Variants in PAMR1 observed in about 807,000 individuals in gnomAD.
The protein encoded by PAMR1 is peptidase domain containing associated with muscle regeneration 1.
A neutral mutation model predicts 81.8 loss-of-function variants in PAMR1; 88 were observed. That is an observed-to-expected ratio of 1.08 (90% CI 0.91 to 1.28). PAMR1 has a LOEUF of 1.28. Among genes scored for constraint, PAMR1 ranks in the 50% most tolerant of loss-of-function variants. The probability of loss-of-function intolerance (pLI) is 0.00; values close to 1 mark genes in which losing one functional copy is unlikely to be tolerated. For missense variants in PAMR1, 935 were observed against 919.7 expected (o/e 1.02, Z -0.21); for synonymous variants, 336 against 345.3 (o/e 0.97, Z 0.30).
intron 1 of PAMR1, among the ~76,000 whole-genome samples, chr11:35,500,120 ATTT>A (rs1850803618): frequency 1.3e-5 from 2 of 152,186 alleles, no homozygotes; most frequent in Non-Finnish European, 2.9e-5. Context: ...CAACCCTTTG[ATTT>A]TAGTCTTGTA....
chr11:35,458,293 T>G (rs1208201043), intron 6 of PAMR1, among the ~76,000 whole-genome samples: 1 of 152,232 alleles, frequency 6.6e-6, no homozygotes, highest in Admixed American at 6.5e-5. Flanking sequence ...TTTCTTTTAA[T>G]CTCTATCCCA....
intron 1 of PAMR1, among the ~76,000 whole-genome samples, chr11:35,516,401 C>T (rs1477779767): frequency 3.3e-5 from 5 of 152,252 alleles, no homozygotes; most frequent in Non-Finnish European, 5.9e-5. Flanking sequence ...AAGATGAATT[C>T]GGTATATATT....
chr11:35,441,299 G>A (rs796870782), intron 7 of PAMR1, among the ~76,000 whole-genome samples, 182 bp downstream of exon 7: 5 of 147,830 alleles, frequency 3.4e-5, no homozygotes, highest in African/African-American at 1.3e-4. Flanking sequence ...GTCCTCTTGA[G>A]GTCAAAAAAA....
At chr11:35,463,727 G>A (rs1424404357) in intron 6 of PAMR1, among the ~76,000 whole-genome samples, 1 of 152,192 alleles carries the variant, frequency 6.6e-6, no homozygotes, top group Non-Finnish European at 1.5e-5. Flanking sequence ...GGCACCGGGG[G>A]AAGTTTTTCC....
At chr11:35,449,568 C>T (rs1355780976) in intron 6 of PAMR1, among the ~76,000 whole-genome samples, 1 of 152,178 alleles carries the variant, frequency 6.6e-6, no homozygotes, top group South Asian at 2.1e-4. Context: ...CTTTCTGGAC[C>T]AGCAGGGGAA....
rs757325760 is a variant in PAMR1 at position 35,439,695 on chromosome 11, T to C, written c.1034-2A>G. The C allele has an allele frequency of 6.2e-7, 1 of 1,612,646 alleles. No individual in the cohort carries two copies. The highest frequency in any genetic ancestry group is 1.1e-5 in the South Asian group (1 of 91,058). ...CTGAAATCTTTGGTTCTCGGCAGGC[T>C]AGAAATAAAAAAGACAATGCTGCAT... is the stretch of plus-strand genomic sequence containing the variant. On this transcript the variant is annotated splice_acceptor_variant, in intron 7 of 10. Coordinates refer to ENST00000619888, the MANE Select transcript of PAMR1 (RefSeq NM_001001991.3). LOFTEE classifies it high-confidence loss of function.
In PAMR1 at chr11:35,494,290, C is replaced by A; in HGVS notation, c.74-18G>T. On this transcript the variant is annotated intron_variant, in intron 1 of 10. Transcript: ENST00000619888. The stretch of plus-strand genomic sequence containing the variant: ...TGTGTACTCTGAAATGGAAAACCAG[C>A]AGGTGAGGCTAGGTCCTGGCAGGGA... 2 of 1,608,990 alleles carry A rather than the reference C, an allele frequency of 1.2e-6. No homozygotes were observed.
At chr11:35,482,083 T>A (rs150487973) in intron 3 of PAMR1, among the ~76,000 whole-genome samples, 1 of 152,232 alleles carries the variant, frequency 6.6e-6, no homozygotes, top group Non-Finnish European at 1.5e-5. Context: ...CAATTGCTTT[T>A]GGCATTTTCG....
intron 2 of PAMR1, among the ~76,000 whole-genome samples, chr11:35,493,771 C>CTA (rs1424747831): frequency 1.3e-5 from 2 of 152,222 alleles, no homozygotes; most frequent in African/African-American, 4.8e-5. Flanking sequence ...TCCCCCCAGG[C>CTA]TATAAGCTCT....
At chr11:35,499,337 A>G (rs553746903) in intron 1 of PAMR1, among the ~76,000 whole-genome samples, 2 of 152,208 alleles carry the variant, frequency 1.3e-5, no homozygotes, top group African/African-American at 2.4e-5. Context: ...TGAACAGCGA[A>G]TATGCCCATG....
chr11:35,470,831 A>G lies in PAMR1; in HGVS notation c.495-13T>C. The G allele has an allele frequency of 6.3e-7, 1 of 1,594,930 alleles. No individual in the cohort carries two copies. The highest frequency in any genetic ancestry group is 1.7e-5 in the Admixed American group (1 of 59,970). On this transcript the variant is annotated splice_polypyrimidine_tract_variant and intron_variant, in intron 4 of 10. Coordinates refer to ENST00000619888, the MANE Select transcript of PAMR1 (RefSeq NM_001001991.3). ...CAACATGACAAATCTGTGGGTGGAC[A>G]GGGTGACGGAGGGAAGCAGATGGGC...
chr11:35,522,346 T>G (rs749542710), intron 1 of PAMR1, among the ~76,000 whole-genome samples: 1 of 152,188 alleles, frequency 6.6e-6, no homozygotes, highest in African/African-American at 2.4e-5. Context: ...CATCAAATAA[T>G]AACTCCCATT....
upstream of PAMR1, among the ~76,000 whole-genome samples, chr11:35,526,524 C>T (rs141977685): frequency 1.2e-4 from 18 of 152,286 alleles, no homozygotes; most frequent in East Asian, 3.5e-3. Flanking sequence ...GTGTCATGTA[C>T]CTTACATGTA....
intron 6 of PAMR1, among the ~76,000 whole-genome samples, chr11:35,454,296 G>A (rs1856479462): frequency 6.6e-6 from 1 of 152,202 alleles, no homozygotes; most frequent in Non-Finnish European, 1.5e-5. Flanking sequence ...CCTCATATGA[G>A]CTGAAAAATA....
chr11:35,433,696 A>T (rs1855960253), intron 10 of PAMR1, among the ~76,000 whole-genome samples: 1 of 152,188 alleles, frequency 6.6e-6, no homozygotes, highest in South Asian at 2.1e-4. Flanking sequence ...GGGCTTAACA[A>T]TAGATGGACA....
chr11:35,498,094 C>T lies in PAMR1; in HGVS notation c.74-3822G>A, dbSNP rs562042894. 1.9e-4 allele frequency among the ~76,000 whole-genome samples: 29 copies of T among 152,276 alleles called. No individual in the cohort carries two copies. In the South Asian group the frequency reaches 5.4e-3, roughly 28 times the overall value. On this transcript the variant is annotated intron_variant, in intron 1 of 10. Coordinates refer to ENST00000619888, the MANE Select transcript of PAMR1 (RefSeq NM_001001991.3). ...ATGCTCCTACCTGTGCCAAGTTTTC[C>T]TAGTGGAATGTGTGTTATTAATAAT...
At chr11:35,518,568 G>T (rs569923334) in intron 1 of PAMR1, among the ~76,000 whole-genome samples, 6 of 142,180 alleles carry the variant, frequency 4.2e-5, no homozygotes, top group African/African-American at 1.5e-4. Context: ...AGGCTCTGTG[G>T]TCAAACAACT....
chr11:35,521,303 G>A (rs1356537836), intron 1 of PAMR1, among the ~76,000 whole-genome samples: 1 of 152,186 alleles, frequency 6.6e-6, no homozygotes, highest in Non-Finnish European at 1.5e-5. Flanking sequence ...TGGCCAATTA[G>A]TCCTCAGCAG....
upstream of PAMR1, chr11:35,529,037 G>A (rs975926069): frequency 2.6e-5 from 4 of 152,150 alleles, no homozygotes; most frequent in African/African-American, 9.7e-5. Context: ...AGTTTACTGA[G>A]GACATTCAGC....
Sources: gnomAD v4.1 joint callset for allele counts (sites outside exome capture counted in the v4.1 genomes callset) on GRCh38, gnomAD v4.1.1 for gene constraint, MANE v1.5 for transcripts, NCBI Gene and HGNC (gene_info 2026-07-23, HGNC 2026-07-21) for gene names.